RYR2: variants seen among roughly 807,000 people sequenced by gnomAD.
RYR2 encodes cardiac muscle ryanodine receptor-calcium release channel.
In RYR2, 227 loss-of-function variants were observed where a neutral mutation model predicts 601.1. The observed-to-expected ratio is 0.38, with a 90% CI of 0.34 to 0.42. The LOEUF (loss-of-function observed/expected upper bound fraction) is 0.42. Among genes scored for constraint, RYR2 ranks in the 10% least tolerant of loss-of-function variants. The pLI is 1.00. For synonymous variants in RYR2, 2,223 were observed against 2,175.1 expected (o/e 1.02, Z -0.61); for missense variants, 4,646 against 6,156.5 (o/e 0.75, Z 8.21).
At chr1:237,737,782 A>G (rs887617889) in intron 79 of RYR2, among the ~76,000 whole-genome samples, 4 of 152,156 alleles carry the variant, frequency 2.6e-5, no homozygotes, top group African/African-American at 4.8e-5. Flanking sequence ...CTTTGTTTTC[A>G]ATCCATCTAA....
At chr1:237,448,576 G>T (rs1328416614) in intron 14 of RYR2, among the ~76,000 whole-genome samples, 1 of 152,022 alleles carries the variant, frequency 6.6e-6, no homozygotes, top group Non-Finnish European at 1.5e-5. Flanking sequence ...TGAGAGAAAG[G>T]TACTGAAAAG....
intron 101 of RYR2, among the ~76,000 whole-genome samples, chr1:237,825,197 G>C (rs751936592): frequency 6.6e-6 from 1 of 152,076 alleles, no homozygotes; most frequent in Non-Finnish European, 1.5e-5. Context: ...AAAAGAGCCC[G>C]CATAGCCCAG....
intron 86 of RYR2, among the ~76,000 whole-genome samples, chr1:237,772,548 T>G (rs549890748): frequency 6.6e-6 from 1 of 152,218 alleles, no homozygotes; most frequent in Non-Finnish European, 1.5e-5. Flanking sequence ...GCATTAATTT[T>G]CACACCACAT....
chr1:237,696,153 G>C (rs1182236204), intron 63 of RYR2, among the ~76,000 whole-genome samples: 1 of 152,104 alleles, frequency 6.6e-6, no homozygotes, highest in Non-Finnish European at 1.5e-5. Flanking sequence ...CACCCCTCAT[G>C]GAAAAGGGCA....
At chr1:237,368,838 T>TATTTATTA (rs1236322373) in intron 5 of RYR2, among the ~76,000 whole-genome samples, 4 of 150,980 alleles carry the variant, frequency 2.6e-5, no homozygotes, top group Admixed American at 6.6e-5. Context: ...TTTATTTATT[T>TATTTATTA]ATTAAGATAG....
chr1:237,753,826 C>T (rs1013809273), intron 80 of RYR2, among the ~76,000 whole-genome samples: 2 of 151,738 alleles, frequency 1.3e-5, no homozygotes, highest in Non-Finnish European at 1.5e-5. Context: ...AAAGATCTAT[C>T]TACAATTTGT....
chr1:237,151,501 A>G (rs919275945), intron 1 of RYR2, among the ~76,000 whole-genome samples: 1 of 152,212 alleles, frequency 6.6e-6, no homozygotes, highest in East Asian at 1.9e-4. Flanking sequence ...CTGAGCTGTA[A>G]GCAGGATAGT....
intron 60 of RYR2, among the ~76,000 whole-genome samples, chr1:237,676,135 T>C (rs879664098): frequency 2.0e-5 from 3 of 152,080 alleles, no homozygotes; most frequent in Non-Finnish European, 4.4e-5. Context: ...TTTGAAAGGA[T>C]CCGATATGCG....
rs775143324 is a variant in RYR2, at chr1:237,496,674, G to T, written c.2125G>T (p.Gly709Trp). The change falls in exon 20 of 105, where the codon GGG becomes TGG. Residue 709 changes from glycine to tryptophan, a missense_variant. Physicochemically the swap from Gly to Trp is radical, Grantham distance 184 (BLOSUM62 -2). Transcript: ENST00000366574. ...TGAAGGATATTCTCCCTACCCTGGA[G>T]GGGGCGAAGAGTGGGGTGGAAATGG... ...STEGYSPYPG[G>W]GEEWGGNGVG... is the part of the protein sequence containing the mutation. 4 of 1,613,896 alleles carry T rather than the reference G, an allele frequency of 2.5e-6. No individual in the cohort carries two copies. The highest frequency in any genetic ancestry group is 3.4e-6 in the Non-Finnish European group (4 of 1,179,904).
At chr1:237,696,972 C>CATA (rs1687506604) in intron 63 of RYR2, among the ~76,000 whole-genome samples, 1 of 152,044 alleles carries the variant, frequency 6.6e-6, no homozygotes, top group Non-Finnish European at 1.5e-5. Context: ...TAAATCGTAT[C>CATA]ATATCCCATC....
chr1:237,083,527 G>A (rs916526978), intron 1 of RYR2, among the ~76,000 whole-genome samples: 1 of 152,094 alleles, frequency 6.6e-6, no homozygotes, highest in Non-Finnish European at 1.5e-5. Flanking sequence ...GCTTGTGTTG[G>A]TGTATGAGCT....
intron 1 of RYR2, among the ~76,000 whole-genome samples, chr1:237,212,582 C>A (rs568276791): frequency 6.6e-6 from 1 of 151,586 alleles, no homozygotes; most frequent in Non-Finnish European, 1.5e-5. Context: ...TCCAGCCTGA[C>A]GACAGAGCAA....
At chr1:237,503,965 C>T (rs1055081208) in intron 22 of RYR2, among the ~76,000 whole-genome samples, 9 of 152,160 alleles carry the variant, frequency 5.9e-5, no homozygotes, top group African/African-American at 2.2e-4. Flanking sequence ...GCTTTGGCCT[C>T]CCAAAGTGTT....
chr1:237,392,014 G>C (rs1702426554), intron 10 of RYR2, among the ~76,000 whole-genome samples: 1 of 152,004 alleles, frequency 6.6e-6, no homozygotes, highest in South Asian at 2.1e-4. Flanking sequence ...ATGACTAGTA[G>C]ACAACTTGTC....
intron 19 of RYR2, among the ~76,000 whole-genome samples, chr1:237,494,002 G>A (rs984685268): frequency 6.6e-6 from 1 of 152,116 alleles, no homozygotes; most frequent in African/African-American, 2.4e-5. Context: ...ACTGGAACTG[G>A]AAGTGGAACT....
chr1:237,420,679 T>C (rs1353033953), intron 11 of RYR2, among the ~76,000 whole-genome samples: 1 of 152,140 alleles, frequency 6.6e-6, no homozygotes, highest in Non-Finnish European at 1.5e-5. Context: ...TCTTAGAGAC[T>C]TCAAAGGAGC....
At chr1:237,497,568 T>A (rs879764658) in intron 20 of RYR2, among the ~76,000 whole-genome samples, 1 of 152,188 alleles carries the variant, frequency 6.6e-6, no homozygotes, top group Non-Finnish European at 1.5e-5. Flanking sequence ...TGGCATAGTT[T>A]ATAAATTATT....
chr1:237,615,812 G>A (rs184640578), intron 37 of RYR2, among the ~76,000 whole-genome samples: 17 of 152,288 alleles, frequency 1.1e-4, no homozygotes, highest in Admixed American at 2.0e-4. Flanking sequence ...ATTACTAAAA[G>A]AAAGAACATT....
At chr1:237,163,680 C>G (rs2490360) in intron 1 of RYR2, among the ~76,000 whole-genome samples, 7 of 151,396 alleles carry the variant, frequency 4.6e-5, no homozygotes, top group Non-Finnish European at 1.0e-4. Flanking sequence ...AAAACAGAGA[C>G]GGAAGAGGGA....
Sources: gnomAD v4.1 joint callset for allele counts (sites outside exome capture counted in the v4.1 genomes callset) on GRCh38, gnomAD v4.1.1 for gene constraint, MANE v1.5 for transcripts, NCBI Gene and HGNC (gene_info 2026-07-23, HGNC 2026-07-21) for gene names.